PXYLP1: variants seen among roughly 807,000 people sequenced by gnomAD.
PXYLP1 encodes the protein 2-phosphoxylose phosphatase 1, also known as acid phosphatase-like 2.
PXYLP1 carries 17 observed loss-of-function variants against 37.9 expected under a neutral mutation model. The ratio of observed to expected loss-of-function variants is 0.45; its 90% confidence interval spans 0.31 to 0.67. The LOEUF (loss-of-function observed/expected upper bound fraction) is 0.67. Among genes scored for constraint, PXYLP1 ranks in the 30% least tolerant of loss-of-function variants. The probability of loss-of-function intolerance (pLI) is 0.07; values close to 1 mark genes in which losing one functional copy is unlikely to be tolerated. For synonymous variants in PXYLP1, 221 were observed against 232.2 expected, an observed-to-expected ratio of 0.95 and a Z score of 0.44; for missense variants, 511 against 612.0, an observed-to-expected ratio of 0.84 and a Z score of 1.74.
chr3:141,232,277 C>G (rs1285096746), intron 1 of PXYLP1: 4 of 152,648 alleles, frequency 2.6e-5, no homozygotes, highest in African/African-American at 9.6e-5. Flanking sequence ...CCCTCGCCCC[C>G]CGCAGCCCCG....
In PXYLP1 at chr3:141,273,042, A is replaced by AC. The variant is rs542736115; in HGVS notation, c.80-5294dup. 229 of 985,202 alleles carry AC rather than the reference A, an allele frequency of 2.3e-4. No individual in the cohort carries two copies. The African/African-American group carries it at 3.4e-3, about 15-fold the overall frequency. 61.0% of individuals were successfully genotyped at this position (985,202 alleles called of 1,614,324 possible). A position where few individuals can be genotyped will look rare whatever the true frequency, so the allele number is the denominator to read the frequency against. On this transcript the variant is annotated intron_variant, in intron 2 of 5. Transcript: ENST00000286353. The stretch of plus-strand genomic sequence containing the variant: ...TTCACTGCATCGTTTCCATACCTGC[A>AC]CCCCCCAACCAGCAACCAGTGAGTG...
At chr3:141,287,920 A>T (rs1338172246) in intron 5 of PXYLP1, among the ~76,000 whole-genome samples, 1 of 152,266 alleles carries the variant, frequency 6.6e-6, no homozygotes, top group African/African-American at 2.4e-5. Context: ...CTGGATGGGC[A>T]ATTGATCATT....
At chr3:141,279,191 C>T (rs768673917) in intron 3 of PXYLP1, among the ~76,000 whole-genome samples, 187 bp from the exon 4 acceptor site, 1 of 152,180 alleles carries the variant, frequency 6.6e-6, no homozygotes, top group African/African-American at 2.4e-5. Flanking sequence ...TAAGACTATT[C>T]AGTGGCCCCC....
In PXYLP1 at chr3:141,287,304, A is replaced by G; in HGVS notation, c.366-10A>G. On this transcript the variant is annotated splice_polypyrimidine_tract_variant and intron_variant, in intron 4 of 5. Coordinates refer to ENST00000286353, the MANE Select transcript of PXYLP1 (RefSeq NM_001037172.3). Reference sequence around the variant, plus strand: ...ACTCTGACCTCTAACTCTCTCTATCATCTCTCTAGGAAACCGTATCACCCA... The same window carrying G: ...ACTCTGACCTCTAACTCTCTCTATCGTCTCTCTAGGAAACCGTATCACCCA... 3 of 1,613,434 alleles carry G rather than the reference A, an allele frequency of 1.9e-6. No individual in the cohort carries two copies. The highest frequency in any genetic ancestry group is 1.7e-5 in the Admixed American group (1 of 59,944).
intron 2 of PXYLP1, chr3:141,273,112 A>C: frequency 3.0e-6 from 3 of 985,424 alleles, no homozygotes; most frequent in Non-Finnish European, 3.6e-6. Context: ...CTTATGGTCC[A>C]TGTGCTTTCT....
chr3:141,270,787 G>A (rs78173237), intron 2 of PXYLP1, among the ~76,000 whole-genome samples: 1 of 152,302 alleles, frequency 6.6e-6, no homozygotes, highest in African/African-American at 2.4e-5. Flanking sequence ...GGACGCAGGG[G>A]TTTGATATCC....
chr3:141,266,394 G>A (rs916940408), intron 2 of PXYLP1, among the ~76,000 whole-genome samples: 1 of 152,080 alleles, frequency 6.6e-6, no homozygotes, highest in East Asian at 1.9e-4. Context: ...TCGCCACAGC[G>A]CCCACCTGCC....
In PXYLP1 at chr3:141,254,316, T is replaced by G. The variant is rs1459130297; in HGVS notation, c.-53-5807T>G. On this transcript the variant is annotated intron_variant, in intron 1 of 5. Coordinates refer to ENST00000286353, the MANE Select transcript of PXYLP1 (RefSeq NM_001037172.3). Reference sequence around the variant, plus strand: ...CTTCCATATGACAAAAACTGTGTCCTGTATCCTGTGTCCTGTGTTCTTACC... The same window carrying G: ...CTTCCATATGACAAAAACTGTGTCCGGTATCCTGTGTCCTGTGTTCTTACC... Among the ~76,000 whole-genome samples, 3 of 152,236 alleles carry G rather than the reference T, an allele frequency of 2.0e-5. No individual in the cohort carries two copies. In the East Asian group the frequency reaches 5.8e-4, roughly 29 times the overall value.
At chr3:141,252,305 T>C (rs1941157496) in intron 1 of PXYLP1, among the ~76,000 whole-genome samples, 2 of 152,190 alleles carry the variant, frequency 1.3e-5, no homozygotes, top group Non-Finnish European at 2.9e-5. Flanking sequence ...CATTTTGTGT[T>C]GTAAAGGAAT....
At chr3:141,270,849 G>A (rs1941645126) in intron 2 of PXYLP1, among the ~76,000 whole-genome samples, 1 of 152,164 alleles carries the variant, frequency 6.6e-6, no homozygotes, top group Non-Finnish European at 1.5e-5. Flanking sequence ...GCAGGAAACA[G>A]GAATAATCAC....
At chr3:141,233,370 C>G (rs545140880) in intron 1 of PXYLP1, among the ~76,000 whole-genome samples, 1 of 147,704 alleles carries the variant, frequency 6.8e-6, no homozygotes, top group Non-Finnish European at 1.5e-5. Flanking sequence ...GAGGCTGAGA[C>G]AGGAGAATCG....
At chr3:141,280,709 T>C (rs6802357) in intron 4 of PXYLP1, among the ~76,000 whole-genome samples, 6,728 of 152,300 alleles carry the variant, frequency 0.044, 234 homozygotes, top group African/African-American at 0.099. Flanking sequence ...CTGTGGGATC[T>C]GGGTCACGAG....
rs563655269 is a variant in PXYLP1 at position 141,280,672 on chromosome 3, C to G, written c.365+1168C>G. On this transcript the variant is annotated intron_variant, in intron 4 of 5. Coordinates refer to ENST00000286353, the MANE Select transcript of PXYLP1 (RefSeq NM_001037172.3). ...AGCAGGAACCCCGGTGAAGGGGACC[C>G]TCTCTAGGCTGCTGACTCCCCCAGG... Among the ~76,000 whole-genome samples, 25 of 152,312 alleles carry G rather than the reference C, an allele frequency of 1.6e-4. 1 individual carries two copies. Among genetic ancestry groups the G allele is most frequent in the Admixed American group, 1.5e-3 (23 of 15,304 alleles).
At chr3:141,238,530 T>C (rs931004323) in intron 1 of PXYLP1, among the ~76,000 whole-genome samples, 69 of 152,366 alleles carry the variant, frequency 4.5e-4, no homozygotes, top group African/African-American at 1.5e-3. Context: ...GCAGTCAGAC[T>C]GGAAAACCAG....
chr3:141,270,907 A>G (rs1210612315), intron 2 of PXYLP1, among the ~76,000 whole-genome samples: 1 of 152,116 alleles, frequency 6.6e-6, no homozygotes, highest in East Asian at 1.9e-4. Flanking sequence ...TCATTCATTT[A>G]TAAGATGGAG....
At chr3:141,269,366 T>C (rs1941607781) in intron 2 of PXYLP1, among the ~76,000 whole-genome samples, 1 of 152,240 alleles carries the variant, frequency 6.6e-6, no homozygotes, top group African/African-American at 2.4e-5. Flanking sequence ...TACTAAAATA[T>C]TCCTTATGGG....
At chr3:141,250,758 C>T (rs1393011604) in intron 1 of PXYLP1, among the ~76,000 whole-genome samples, 2 of 152,196 alleles carry the variant, frequency 1.3e-5, no homozygotes, top group African/African-American at 2.4e-5. Flanking sequence ...ATGGAAAGCT[C>T]TTGGCTTCCC....
chr3:141,257,357 T>C (rs1246805128), intron 1 of PXYLP1, among the ~76,000 whole-genome samples: 2 of 152,166 alleles, frequency 1.3e-5, no homozygotes, highest in East Asian at 1.9e-4. Flanking sequence ...CAAGCCCCAA[T>C]GCATAAGTAC....
intron 2 of PXYLP1, among the ~76,000 whole-genome samples, chr3:141,261,468 A>G (rs1227928223): frequency 6.6e-6 from 1 of 152,208 alleles, no homozygotes; most frequent in Non-Finnish European, 1.5e-5. Context: ...GCACAATAAT[A>G]AGCAACCAAT....
Sources: allele counts gnomAD v4.1 joint callset (sites outside exome capture counted in the v4.1 genomes callset), GRCh38; gene constraint gnomAD v4.1.1; transcripts MANE v1.5; gene names NCBI Gene and HGNC (gene_info 2026-07-23, HGNC 2026-07-21).